The following MTOR variants were observed in gnomAD, a reference collection of about 807,000 sequenced individuals.
MTOR encodes serine/threonine-protein kinase mTOR.
In MTOR, 70 loss-of-function variants were observed where a neutral mutation model predicts 319.8. That is an observed-to-expected ratio of 0.22 (90% confidence interval 0.18 to 0.27). The LOEUF (loss-of-function observed/expected upper bound fraction) is 0.27, where lower values mean the gene tolerates loss of function less well. Ranked by LOEUF, MTOR falls within the 10% of genes least tolerant of loss-of-function variation. MTOR has a pLI of 1.00. For missense variants in MTOR, 1,890 were observed against 3,274.4 expected (o/e 0.58, Z 10.32); for synonymous variants, 1,183 against 1,211.4 (o/e 0.98, Z 0.49).
intron 29 of MTOR, among the ~76,000 whole-genome samples, chr1:11,165,510 T>C (rs1644615067): frequency 6.6e-6 from 1 of 151,778 alleles, no homozygotes; most frequent in Non-Finnish European, 1.5e-5. Context: ...TCAAAGAGAA[T>C]AAAATACCTA....
rs1641671453 is a variant in MTOR at position 11,108,240 on chromosome 1, A to C, written c.7575T>G (p.Val2525=). Residue 2525 remains valine (V), a synonymous_variant, in exon 57 of 58, where the codon GTT becomes GTG. Transcript: ENST00000361445. ...ATGTCGCTTGTTTGATGAGCAGCTC[A>C]ACTTGCGTTGGAACATCCAAAGTGT... ...HDDTLDVPTQ[V]ELLIKQATSH... 6.2e-7 allele frequency: 1 copy of C among 1,613,856 alleles called. No individual in the cohort carries two copies. The highest frequency in any genetic ancestry group is 1.3e-5 in the African/African-American group (1 of 74,918).
chr1:11,233,045 G>C (rs1647074106), intron 15 of MTOR: 1 of 1,016,672 alleles, frequency 9.8e-7, no homozygotes, highest in East Asian at 2.4e-5. Context: ...AGTGGATTCG[G>C]ATGAAAACTG....
chr1:11,150,449 C>G (rs1040341917), intron 30 of MTOR, among the ~76,000 whole-genome samples: 2 of 152,136 alleles, frequency 1.3e-5, no homozygotes, highest in African/African-American at 2.4e-5. Flanking sequence ...GGATAGGAAC[C>G]ATGCCTAACT....
At chr1:11,150,331 A>G in intron 30 of MTOR, 105 bp from the exon 31 acceptor site, 1 of 868,708 alleles carries the variant, frequency 1.2e-6, no homozygotes. Flanking sequence ...GGAACTGGAC[A>G]CCTTTAATAA....
In MTOR at chr1:11,152,667, A is replaced by C. The variant is rs140095052; in HGVS notation, c.4470-2441T>G. ...TCTCACAGCCTCCTGGAGGCAGATA[A>C]GAATGGGGAAATGGGAAGGGTCTCA... is the stretch of plus-strand genomic sequence containing the variant. On this transcript the variant is annotated intron_variant, in intron 30 of 57. Transcript: ENST00000361445. 2.3e-3 allele frequency among the ~76,000 whole-genome samples: 344 copies of C among 152,278 alleles called. 3 individuals are homozygous for C. Among genetic ancestry groups the C allele is most frequent in the Middle Eastern group, 0.01 (3 of 294 alleles).
intron 32 of MTOR, among the ~76,000 whole-genome samples, chr1:11,145,701 A>T (rs1226237759): frequency 6.6e-6 from 1 of 151,832 alleles, no homozygotes; most frequent in East Asian, 1.9e-4. Flanking sequence ...ATAGGGTTTC[A>T]CCATGTTGGG....
At position 11,115,545 on chromosome 1, in the gene MTOR, G is replaced by A. The variant is rs1642120065; in HGVS notation, c.7017-77C>T. ...AAAAAATCAATAAGTACGTGATACT[G>A]TAAGCTAGGAGTTGGCAAACGATAG... On this transcript the variant is annotated intron_variant, in intron 50 of 57. Transcript: ENST00000361445. The surrounding 1 kb of genome is among the most constrained non-coding windows in gnomAD (Gnocchi z 4.5). 4.3e-6 allele frequency: 6 copies of A among 1,405,996 alleles called. No individual in the cohort carries two copies. Among genetic ancestry groups the A allele is most frequent in the South Asian group, 2.3e-5 (2 of 86,400 alleles). 87.1% of individuals were successfully genotyped at this position (1,405,996 alleles called of 1,614,324 possible). A position where few individuals can be genotyped will look rare whatever the true frequency, so the allele number is the denominator to read the frequency against.
In MTOR at chr1:11,142,437, C is replaced by T. The variant is rs185179249; in HGVS notation, c.4872+2211G>A. On this transcript the variant is annotated intron_variant, in intron 34 of 57. Coordinates refer to ENST00000361445, the MANE Select transcript of MTOR (RefSeq NM_004958.4). ...CCAAGGAGCTGGGATTACAGGTGTG[C>T]GCCACCACGCCTGGCTAATTTTTGT... Among the ~76,000 whole-genome samples, 284 of 151,804 alleles carry T rather than the reference C, an allele frequency of 1.9e-3. 1 individual carries two copies. The highest frequency in any genetic ancestry group is 5.2e-3 in the South Asian group (25 of 4,802).
chr1:11,238,929 A>ATT (rs35499063), intron 11 of MTOR, among the ~76,000 whole-genome samples: 180 of 139,444 alleles, frequency 1.3e-3, no homozygotes, highest in South Asian at 3.9e-3. Context: ...CGCCTGGCTA[A>ATT]TTTTTTTTTT....
Position 11,243,133 on chromosome 1 carries a change from G to T in MTOR, c.1393C>A (p.Pro465Thr), listed in dbSNP as rs750399134. 5 of 1,613,984 alleles carry T rather than the reference G, an allele frequency of 3.1e-6. No individual in the cohort carries two copies. Among genetic ancestry groups the T allele is most frequent in the Non-Finnish European group, 4.2e-6 (5 of 1,180,044 alleles). Reference sequence around the variant, plus strand: ...GCTTACTTATGGGCGAAGTCCTTTGGGGGCAGGGCCGCTCGGATGATGTCC... The same window carrying T: ...GCTTACTTATGGGCGAAGTCCTTTGTGGGCAGGGCCGCTCGGATGATGTCC... Reference protein sequence around the residue: ...VLDIIRAALPPKDFAHKRQKA... With the variant: ...VLDIIRAALPTKDFAHKRQKA... Residue 465 changes from proline (P) to threonine (T), a missense_variant, in exon 9 of 58, where the codon CCA (proline) becomes ACA (threonine). Pro to Thr is a conservative substitution (Grantham distance 38). Around this residue, in one of 15 missense-constraint regions of MTOR, gnomAD observed 418 missense variants for 543.1 expected, o/e 0.77. Coordinates refer to ENST00000361445, the MANE Select transcript of MTOR (RefSeq NM_004958.4).
chr1:11,248,072 T>G lies in MTOR; in HGVS notation c.863A>C (p.Glu288Ala), dbSNP rs1649083303. The G allele has an allele frequency of 6.2e-7, 1 of 1,608,796 alleles. No homozygotes were observed. Among genetic ancestry groups the G allele is most frequent in the African/African-American group, 1.3e-5 (1 of 74,746 alleles). Residue 288 changes from glutamate to alanine, a missense_variant, in exon 7 of 58, where the codon GAA becomes GCA. Glu to Ala is a moderately radical substitution (Grantham distance 107). Around this residue, in one of 15 missense-constraint regions of MTOR, gnomAD observed 418 missense variants for 543.1 expected, o/e 0.77. Coordinates refer to ENST00000361445, the MANE Select transcript of MTOR (RefSeq NM_004958.4). ...GTGTACCAGCTGCTGCTGTGTGATT[T>G]CTTCCATTTCTTCTCTCAGACGCTA... The part of the protein sequence containing the change: ...EGERLREEME[E>A]ITQQQLVHDK...
intron 54 of MTOR, among the ~76,000 whole-genome samples, chr1:11,112,052 A>AAC (rs1467114052): frequency 6.6e-6 from 1 of 152,192 alleles, no homozygotes; most frequent in East Asian, 1.9e-4. Flanking sequence ...ATAAAAGTTA[A>AAC]ACAGCTTGAC....
At chr1:11,252,218 TTTG>T (rs942206214) in intron 6 of MTOR, among the ~76,000 whole-genome samples, 6 of 152,346 alleles carry the variant, frequency 3.9e-5, no homozygotes, top group Admixed American at 1.3e-4. Flanking sequence ...TATGTAAATA[TTTG>T]TTGCACTGTA....
intron 30 of MTOR, among the ~76,000 whole-genome samples, chr1:11,151,810 A>G (rs1263531936): frequency 1.3e-5 from 2 of 152,214 alleles, no homozygotes; most frequent in Non-Finnish European, 2.9e-5. Context: ...AACACAAGCA[A>G]CTTGGATGAA....
chr1:11,181,993 G>A (rs1051927919), intron 28 of MTOR, among the ~76,000 whole-genome samples: 6 of 152,102 alleles, frequency 3.9e-5, no homozygotes, highest in East Asian at 3.9e-4. Context: ...CAAGGCAGGC[G>A]GATCACCTGA....
chr1:11,257,427 G>A (rs1009958720), intron 3 of MTOR, among the ~76,000 whole-genome samples: 1 of 151,092 alleles, frequency 6.6e-6, no homozygotes, highest in African/African-American at 2.4e-5. Flanking sequence ...GCCAGGCGTG[G>A]TGGCACACGC....
At chr1:11,200,878 G>A (rs764282474) in intron 26 of MTOR, among the ~76,000 whole-genome samples, 1 of 151,960 alleles carries the variant, frequency 6.6e-6, no homozygotes, top group Non-Finnish European at 1.5e-5. Context: ...AGCCGGGCGC[G>A]GTGGTGGTGG....
At chr1:11,192,400 C>G (rs746874829) in intron 28 of MTOR, 7 of 1,534,066 alleles carry the variant, frequency 4.6e-6, no homozygotes, top group Non-Finnish European at 4.5e-6. Flanking sequence ...TGGCCATGCC[C>G]TAATACCTGT....
chr1:11,129,674 T>C lies in MTOR; in HGVS notation c.5714+64A>G. The C allele has an allele frequency of 6.9e-7, 1 of 1,441,512 alleles. No individual in the cohort carries two copies. Among genetic ancestry groups the C allele is most frequent in the East Asian group, 2.3e-5 (1 of 43,516 alleles). 89.3% of individuals were successfully genotyped at this position (1,441,512 alleles called of 1,614,324 possible). A position where few individuals can be genotyped will look rare whatever the true frequency, so the allele number is the denominator to read the frequency against. On this transcript the variant is annotated intron_variant, in intron 40 of 57. Transcript: ENST00000361445. The surrounding 1 kb of genome is among the most constrained non-coding windows in gnomAD (Gnocchi z 4.7). ...CAGGAAGGGAAAGAGGACTTTTACG[T>C]GTGACTTCTAGGTCTTGCCATTAAC...
Sources: allele counts gnomAD v4.1 joint callset (sites outside exome capture counted in the v4.1 genomes callset), GRCh38; gene constraint gnomAD v4.1.1; regional missense constraint gnomAD v4.1.1; non-coding constraint Gnocchi (gnomAD v3.1); transcripts MANE v1.5; gene names NCBI Gene and HGNC (gene_info 2026-07-23, HGNC 2026-07-21).